The following BACE1 variants were observed in gnomAD, a reference collection of about 807,000 sequenced individuals.
BACE1 encodes APP beta-secretase.
A neutral mutation model predicts 54.0 loss-of-function variants in BACE1; 21 were observed. The ratio of observed to expected loss-of-function variants is 0.39; its 90% CI spans 0.28 to 0.56. The LOEUF (loss-of-function observed/expected upper bound fraction) is 0.56, where lower values mean the gene tolerates loss of function less well. Ranked by LOEUF, BACE1 falls within the 20% of genes least tolerant of loss-of-function variation. The pLI, the probability that BACE1 is intolerant of heterozygous loss-of-function variation, is 0.63. For synonymous variants in BACE1, 232 were observed against 260.9 expected, an observed-to-expected ratio of 0.89 and a Z score of 1.07; for missense variants, 511 against 661.2, an observed-to-expected ratio of 0.77 and a Z score of 2.49.
At chr11:117,299,274 C>G (rs1212180822) in intron 1 of BACE1, among the ~76,000 whole-genome samples, 1 of 152,224 alleles carries the variant, frequency 6.6e-6, no homozygotes, top group East Asian at 1.9e-4. Context: ...TGCCGACTTT[C>G]CATCACCTCA....
chr11:117,290,869 A>T, intron 7 of BACE1, 31 bp downstream of exon 7: 1 of 1,608,576 alleles, frequency 6.2e-7, no homozygotes, highest in Non-Finnish European at 8.5e-7. Context: ...TACTTTTAAG[A>T]GAGATCCCCC....
intron 6 of BACE1, 56 bp from the exon 7 acceptor site, chr11:117,291,105 C>T: frequency 1.3e-6 from 2 of 1,584,760 alleles, no homozygotes; most frequent in Non-Finnish European, 8.6e-7. Flanking sequence ...CATCTCGCCC[C>T]TCCCATGTTC....
At chr11:117,303,060 A>G (rs2034758620) in intron 1 of BACE1, among the ~76,000 whole-genome samples, 1 of 152,212 alleles carries the variant, frequency 6.6e-6, no homozygotes, top group South Asian at 2.1e-4. Flanking sequence ...AGAAAAGGTG[A>G]AAGAGCTAAT....
Position 117,293,561 on chromosome 11 carries a change from A to G in BACE1, c.705+310T>C, listed in dbSNP as rs990694864. 2 of 279,684 alleles carry G rather than the reference A, an allele frequency of 7.2e-6. No homozygotes were observed. The highest frequency in any genetic ancestry group is 1.3e-5 in the Non-Finnish European group (2 of 152,982). 17.3% of individuals were successfully genotyped at this position (279,684 alleles called of 1,614,324 possible). A position where few individuals can be genotyped will look rare whatever the true frequency, so the allele number is the denominator to read the frequency against. The stretch of plus-strand genomic sequence containing the variant: ...GTTCTAATTAATTAATAAATAGACA[A>G]ACTTCTTATATCTCTGCCTTCTGAC... On this transcript the variant is annotated intron_variant, in intron 4 of 8. Coordinates refer to ENST00000313005, the MANE Select transcript of BACE1 (RefSeq NM_012104.6). The surrounding 1 kb of genome is among the most constrained non-coding windows in gnomAD (Gnocchi z 4.1).
chr11:117,294,359 G>T, intron 3 of BACE1: 1 of 161,426 alleles, frequency 6.2e-6, no homozygotes, highest in Admixed American at 6.4e-5. Context: ...TGGGATTATA[G>T]GCATGCGCCA....
intron 1 of BACE1, among the ~76,000 whole-genome samples, chr11:117,311,772 C>T (rs1193686065): frequency 6.6e-6 from 1 of 152,168 alleles, no homozygotes; most frequent in East Asian, 1.9e-4. Context: ...TCCCGAGTAG[C>T]TGGAACTACA....
At chr11:117,290,694 T>G in intron 7 of BACE1, 35 bp from the exon 8 acceptor site, 1 of 1,607,488 alleles carries the variant, frequency 6.2e-7, no homozygotes, top group Non-Finnish European at 8.5e-7. Context: ...AGTGTCTTCC[T>G]CACTCTCCTT....
rs2035092345 is a variant in BACE1 at position 117,315,634 on chromosome 11, G to A, written c.162C>T (p.Pro54=). Residue 54 remains proline, a synonymous_variant, in exon 1 of 9, where the codon CCC becomes CCT. Coordinates refer to ENST00000313005, the MANE Select transcript of BACE1 (RefSeq NM_012104.6). The surrounding 1 kb of genome is among the most constrained non-coding windows in gnomAD (Gnocchi z 5.5). ...PRETDEEPEE[P]GRRGSFVEMV... ...TCTCCACAAAGCTGCCCCTCCGGCC[G>A]GGCTCCTCGGGCTCTTCGTCGGTCT... The A allele has an allele frequency of 1.9e-6, 3 of 1,580,692 alleles. No individual in the cohort carries two copies. The highest frequency in any genetic ancestry group is 1.4e-5 in the African/African-American group (1 of 71,632).
At chr11:117,292,942 T>C in intron 5 of BACE1, 112 bp downstream of exon 5, 3 of 1,318,888 alleles carry the variant, frequency 2.3e-6, no homozygotes, top group Non-Finnish European at 3.2e-6. Context: ...TCCAACCCTT[T>C]CTGCAGGTCC....
At position 117,293,995 on chromosome 11, in the gene BACE1, A is replaced by G; in HGVS notation, c.581T>C (p.Leu194Pro). Residue 194 changes from leucine to proline, a missense_variant, in exon 4 of 9, where the codon CTG becomes CCG. Leu to Pro is a moderately conservative substitution (Grantham distance 98). Coordinates refer to ENST00000313005, the MANE Select transcript of BACE1 (RefSeq NM_012104.6). This position sits in a 1 kb window ranked among gnomAD's most constrained non-coding sequence, Gnocchi z 4.1. Reference sequence around the variant, plus strand: ...TACCAGAGAGTCAAAGAAAGGCTCCAGGGAGTCGTCAGGCTTTGGCAGAAA... The same window carrying G: ...TACCAGAGAGTCAAAGAAAGGCTCCGGGGAGTCGTCAGGCTTTGGCAGAAA... ...YAEIARPDDS[L>P]EPFFDSLVKQ... 1 of 1,613,836 alleles carries G rather than the reference A, an allele frequency of 6.2e-7. No individual in the cohort carries two copies. Among genetic ancestry groups the G allele is most frequent in the Non-Finnish European group, 8.5e-7 (1 of 1,179,864 alleles).
Position 117,289,500 on chromosome 11 carries a change from T to C in BACE1, c.*66A>G. ...CACAGGTGCCATCTGTGTCTCCTAC[T>C]TGTGACCAAAGTGAACCACGGAGGT... On this transcript the variant is annotated 3_prime_UTR_variant, in exon 9 of 9. Coordinates refer to ENST00000313005, the MANE Select transcript of BACE1 (RefSeq NM_012104.6). 6.4e-7 allele frequency: 1 copy of C among 1,571,894 alleles called. No homozygotes were observed. Among genetic ancestry groups the C allele is most frequent in the African/African-American group, 1.3e-5 (1 of 74,394 alleles).
Position 117,306,534 on chromosome 11 carries a change from A to G in BACE1, c.261+9001T>C, listed in dbSNP as rs923717476. 2.0e-4 allele frequency among the ~76,000 whole-genome samples: 31 copies of G among 151,972 alleles called. 1 individual carries two copies. The highest frequency in any genetic ancestry group is 2.1e-4 in the South Asian group (1 of 4,830). ...AAAAGAGTAAGTGGTAGGGCCAGGC[A>G]CAGTGACTCACGCCTGTAGTCCCAG... On this transcript the variant is annotated intron_variant, in intron 1 of 8. Coordinates refer to ENST00000313005, the MANE Select transcript of BACE1 (RefSeq NM_012104.6).
intron 1 of BACE1, among the ~76,000 whole-genome samples, chr11:117,309,422 C>T (rs1427168755): frequency 6.6e-6 from 1 of 152,246 alleles, no homozygotes; most frequent in African/African-American, 2.4e-5. Flanking sequence ...CTCCTCCTCA[C>T]CACTCTCCAT....
chr11:117,298,811 C>T (rs980444095), intron 1 of BACE1, among the ~76,000 whole-genome samples: 1 of 152,156 alleles, frequency 6.6e-6, no homozygotes, highest in African/African-American at 2.4e-5. Context: ...TCTAGCATCA[C>T]TTCTTTTTTT....
At chr11:117,300,258 C>T (rs2134470584) in intron 1 of BACE1, among the ~76,000 whole-genome samples, 1 of 152,354 alleles carries the variant, frequency 6.6e-6, no homozygotes, top group Non-Finnish European at 1.5e-5. Flanking sequence ...TCTGCCTCCC[C>T]TCTCCACCTT....
At chr11:117,295,662 A>G in intron 2 of BACE1, 1 of 1,524,274 alleles carries the variant, frequency 6.6e-7, no homozygotes, top group Non-Finnish European at 8.8e-7. Context: ...TGCTGCAGGG[A>G]CAGCTAGTGG....
chr11:117,295,503 A>G (rs886733448), intron 2 of BACE1, 156 bp from the exon 3 acceptor site: 2 of 1,536,424 alleles, frequency 1.3e-6, no homozygotes, highest in Non-Finnish European at 1.7e-6. Flanking sequence ...CTCACCACCC[A>G]GAACAGAGTG....
chr11:117,299,892 G>A (rs2034684673), intron 1 of BACE1, among the ~76,000 whole-genome samples: 1 of 152,178 alleles, frequency 6.6e-6, no homozygotes, highest in South Asian at 2.1e-4. Flanking sequence ...GGACCCCAAA[G>A]AAAGAGGATC....
rs966315766 is a variant in BACE1, at chr11:117,289,815, G to A, written c.1265-8C>T. ...TCCTGAACTCATCGTGCACTGGGGA[G>A]AGGGCAAATGTGAATGGACAGCTCT... On this transcript the variant is annotated splice_region_variant and splice_polypyrimidine_tract_variant and intron_variant, in intron 8 of 8. Transcript: ENST00000313005. 1.9e-6 allele frequency: 3 copies of A among 1,609,562 alleles called. No individual in the cohort carries two copies. In the African/African-American group the frequency reaches 4.0e-5, roughly 22 times the overall value.
Sources: allele counts gnomAD v4.1 joint callset (sites outside exome capture counted in the v4.1 genomes callset), GRCh38; gene constraint gnomAD v4.1.1; non-coding constraint Gnocchi (gnomAD v3.1); transcripts MANE v1.5; gene names NCBI Gene and HGNC (gene_info 2026-07-23, HGNC 2026-07-21).